The following GRIK2 variants were observed in gnomAD, a reference collection of about 807,000 sequenced individuals.
GRIK2 encodes the protein glutamate receptor ionotropic, kainate 2.
GRIK2 carries 32 observed loss-of-function variants against 100.3 expected under a neutral mutation model. That is an observed-to-expected ratio of 0.32 (90% CI 0.24 to 0.43). The LOEUF (loss-of-function observed/expected upper bound fraction) is 0.43. Among genes scored for constraint, GRIK2 ranks in the 20% least tolerant of loss-of-function variants. GRIK2 has a pLI of 1.00. For missense variants in GRIK2, 843 were observed against 1,114.9 expected (o/e 0.76, Z 3.47); for synonymous variants, 417 against 389.4 (o/e 1.07, Z -0.83).
chr6:101,601,162 A>G (rs996360847), intron 2 of GRIK2, among the ~76,000 whole-genome samples: 2 of 140,538 alleles, frequency 1.4e-5, no homozygotes, highest in Non-Finnish European at 3.1e-5. Flanking sequence ...GTTGGATTTT[A>G]TCAAATGCTT....
At chr6:101,842,039 G>A (rs1163400657) in intron 10 of GRIK2, among the ~76,000 whole-genome samples, 1 of 152,086 alleles carries the variant, frequency 6.6e-6, no homozygotes, top group Non-Finnish European at 1.5e-5. Context: ...TGAATAACTT[G>A]AAGTTTGTTT....
intron 2 of GRIK2, among the ~76,000 whole-genome samples, chr6:101,534,185 C>CTGCTTT (rs911064333): frequency 1.3e-5 from 2 of 151,168 alleles, no homozygotes; most frequent in African/African-American, 4.9e-5. Flanking sequence ...TAGCCTTAGT[C>CTGCTTT]TGCTTTCAGT....
chr6:101,455,676 T>C (rs1328759266), intron 2 of GRIK2, among the ~76,000 whole-genome samples: 1 of 152,110 alleles, frequency 6.6e-6, no homozygotes, highest in Non-Finnish European at 1.5e-5. Context: ...GTACATTTAC[T>C]TGGGTAATAT....
At chr6:101,445,882 T>G (rs1562143151) in intron 2 of GRIK2, among the ~76,000 whole-genome samples, 1 of 152,090 alleles carries the variant, frequency 6.6e-6, no homozygotes. Context: ...TTTACACTAA[T>G]GGACATTGCA....
chr6:101,684,719 A>AT (rs11418216), intron 6 of GRIK2, among the ~76,000 whole-genome samples: 35,769 of 138,846 alleles, frequency 0.26, 5,016 homozygotes, highest in East Asian at 0.44. Context: ...GAAAATCTGG[A>AT]TTTTTTTTTT....
intron 4 of GRIK2, among the ~76,000 whole-genome samples, chr6:101,645,873 CTG>C (rs1781502568): frequency 1.3e-5 from 2 of 151,826 alleles, no homozygotes; most frequent in African/African-American, 4.8e-5. Context: ...CTGCTCTTTA[CTG>C]ACTAACACTA....
intron 14 of GRIK2, among the ~76,000 whole-genome samples, chr6:101,998,807 C>G (rs374623914): frequency 8.6e-6 from 1 of 115,806 alleles, no homozygotes; most frequent in Non-Finnish European, 1.9e-5. Flanking sequence ...TTTCTTTTTT[C>G]TTTTCTTTTT....
intron 11 of GRIK2, among the ~76,000 whole-genome samples, chr6:101,874,435 C>T (rs149228382): frequency 2.4e-4 from 36 of 151,882 alleles, no homozygotes; most frequent in African/African-American, 7.7e-4. Flanking sequence ...GTGCGGGCTG[C>T]GTTCTGTTCC....
At chr6:101,672,827 T>C (rs1770543168) in intron 4 of GRIK2, among the ~76,000 whole-genome samples, 1 of 152,224 alleles carries the variant, frequency 6.6e-6, no homozygotes, top group South Asian at 2.1e-4. Flanking sequence ...TACCACATTT[T>C]CTGGTATCTA....
intron 7 of GRIK2, among the ~76,000 whole-genome samples, chr6:101,732,537 G>T (rs769749159): frequency 6.6e-6 from 1 of 151,856 alleles, no homozygotes; most frequent in Non-Finnish European, 1.5e-5. Flanking sequence ...CAAATAATGC[G>T]CTGTGGAATT....
At chr6:101,783,697 C>A (rs1317427992) in intron 7 of GRIK2, among the ~76,000 whole-genome samples, 1 of 152,114 alleles carries the variant, frequency 6.6e-6, no homozygotes, top group Non-Finnish European at 1.5e-5. Context: ...GTGATGTGGA[C>A]AATGAAGTAC....
intron 2 of GRIK2, among the ~76,000 whole-genome samples, chr6:101,593,723 T>C (rs138978325): frequency 7.0e-4 from 107 of 151,998 alleles, no homozygotes; most frequent in African/African-American, 2.6e-3. Flanking sequence ...CTCCAAGTAA[T>C]ATTAAAGTTG....
At chr6:101,404,281 A>G (rs1316653764) in intron 2 of GRIK2, among the ~76,000 whole-genome samples, 1 of 152,252 alleles carries the variant, frequency 6.6e-6, no homozygotes, top group Non-Finnish European at 1.5e-5. Context: ...GAAGAAGGAA[A>G]ATACCATAGA....
At chr6:101,955,616 CCCCCCCA>C (rs1791883819) in intron 14 of GRIK2, among the ~76,000 whole-genome samples, 6 of 135,464 alleles carry the variant, frequency 4.4e-5, no homozygotes, top group Admixed American at 1.5e-4. Context: ...CTCTCTCTCT[CCCCCCCA>C]TTTCTTTTAC....
intron 2 of GRIK2, among the ~76,000 whole-genome samples, chr6:101,606,354 A>T (rs1779437351): frequency 6.6e-6 from 1 of 152,010 alleles, no homozygotes; most frequent in Non-Finnish European, 1.5e-5. Context: ...CAAGGGTCTT[A>T]TGGGTACCTT....
At chr6:102,066,892 A>G (rs148182634) in intron 16 of GRIK2, among the ~76,000 whole-genome samples, 13 of 151,834 alleles carry the variant, frequency 8.6e-5, no homozygotes, top group African/African-American at 2.9e-4. Context: ...CTCTTTAAGG[A>G]GTCCATCAAA....
At chr6:101,444,155 C>G (rs933918639) in intron 2 of GRIK2, among the ~76,000 whole-genome samples, 1 of 151,812 alleles carries the variant, frequency 6.6e-6, no homozygotes, top group Non-Finnish European at 1.5e-5. Flanking sequence ...CTGCACTCAA[C>G]TGATCCTCCT....
chr6:101,993,314 G>A (rs1794470587), intron 14 of GRIK2: 2 of 136,628 alleles, frequency 1.5e-5, no homozygotes. Context: ...TGGATAAATA[G>A]GTGACTCTAT....
Position 101,549,275 on chromosome 6 carries a change from G to GA in GRIK2, c.116-72660dup, listed in dbSNP as rs34763570. Among the ~76,000 whole-genome samples, 1,299 of 136,334 alleles carry GA rather than the reference G, an allele frequency of 9.5e-3. 23 individuals carry two copies. The highest frequency in any genetic ancestry group is 0.028 in the African/African-American group (1,004 of 36,318). 89.4% of individuals were successfully genotyped at this position (136,334 alleles called of 152,430 possible). ...AAAGGAGGGTTAGTAGTGATGAACT[G>GA]AAAAAAAAAAAAAAGATTGTATGTA... is the stretch of plus-strand genomic sequence containing the variant. On this transcript the variant is annotated intron_variant, in intron 2 of 16. Coordinates refer to ENST00000369134, the MANE Select transcript of GRIK2 (RefSeq NM_021956.5).
Sources: gnomAD v4.1 joint callset for allele counts (sites outside exome capture counted in the v4.1 genomes callset) on GRCh38, gnomAD v4.1.1 for gene constraint, MANE v1.5 for transcripts, NCBI Gene and HGNC (gene_info 2026-07-23, HGNC 2026-07-21) for gene names.